The following DNAH9 variants were observed in gnomAD, a reference collection of about 807,000 sequenced individuals.
DNAH9 encodes DNAH9 variant protein.
A neutral mutation model predicts 471.6 loss-of-function variants in DNAH9; 345 were observed. That is an observed-to-expected ratio of 0.73 (90% confidence interval 0.67 to 0.80). The LOEUF is 0.80. Ranked by LOEUF, DNAH9 falls within the 30% of genes least tolerant of loss-of-function variation. The pLI is 0.00. For missense variants in DNAH9, 5,407 were observed against 5,609.2 expected (o/e 0.96, Z 1.15); for synonymous variants, 2,093 against 2,123.6 (o/e 0.99, Z 0.40).
At chr17:11,648,990 A>G (rs1355510274) in intron 12 of DNAH9, among the ~76,000 whole-genome samples, 2 of 152,058 alleles carry the variant, frequency 1.3e-5, no homozygotes, top group African/African-American at 4.8e-5. Flanking sequence ...AGCCAGGCGT[A>G]GTGGCACATG....
At chr17:11,633,436 A>G (rs2073104796) in intron 8 of DNAH9, among the ~76,000 whole-genome samples, 1 of 152,336 alleles carries the variant, frequency 6.6e-6, no homozygotes, top group Non-Finnish European at 1.5e-5. Flanking sequence ...GGCACTGAAA[A>G]TGTTCAGACA....
chr17:11,635,195 C>T (rs559261096), intron 8 of DNAH9, among the ~76,000 whole-genome samples: 24 of 152,032 alleles, frequency 1.6e-4, no homozygotes, highest in African/African-American at 5.8e-4. Flanking sequence ...GAGACAGAGT[C>T]TTGCTCTGTT....
At chr17:11,833,485 G>A (rs766555440) in intron 48 of DNAH9, among the ~76,000 whole-genome samples, 10 of 152,146 alleles carry the variant, frequency 6.6e-5, no homozygotes, top group East Asian at 1.9e-4. Flanking sequence ...TGTGCCCTGC[G>A]GTAGGCGGGC....
chr17:11,698,569 C>A (rs923450527), intron 22 of DNAH9, among the ~76,000 whole-genome samples: 12 of 151,512 alleles, frequency 7.9e-5, no homozygotes, highest in Non-Finnish European at 1.8e-4. Context: ...TCCATGGGTA[C>A]CTTCACAGTT....
chr17:11,882,705 G>C (rs900040060), intron 55 of DNAH9, among the ~76,000 whole-genome samples: 2 of 152,218 alleles, frequency 1.3e-5, no homozygotes, highest in African/African-American at 4.8e-5. Context: ...TTCAGATAGT[G>C]ATAAGAATTT....
At chr17:11,643,332 G>A (rs2073314377) in intron 10 of DNAH9, among the ~76,000 whole-genome samples, 2 of 152,212 alleles carry the variant, frequency 1.3e-5, no homozygotes, top group African/African-American at 4.8e-5. Flanking sequence ...TGTTTCAGGG[G>A]TAAGAGCTGG....
intron 43 of DNAH9, among the ~76,000 whole-genome samples, chr17:11,805,528 T>C (rs74855767): frequency 9.6e-5 from 1 of 10,458 alleles, no homozygotes; most frequent in African/African-American, 3.4e-4. Flanking sequence ...GAGTTCTTTT[T>C]TTTTTTTTTT....
intron 15 of DNAH9, among the ~76,000 whole-genome samples, chr17:11,666,629 G>A (rs895093918): frequency 6.6e-6 from 1 of 152,158 alleles, no homozygotes; most frequent in African/African-American, 2.4e-5. Context: ...GGAAGTAAAG[G>A]AGCCTAAAGG....
At chr17:11,901,119 T>C (rs1215597224) in intron 59 of DNAH9, among the ~76,000 whole-genome samples, 1 of 152,134 alleles carries the variant, frequency 6.6e-6, no homozygotes, top group Admixed American at 6.6e-5. Flanking sequence ...TTGGGTATTA[T>C]GATGCTTAGG....
chr17:11,749,157 C>T (rs1404110528), intron 32 of DNAH9, among the ~76,000 whole-genome samples: 4 of 148,376 alleles, frequency 2.7e-5, no homozygotes, highest in African/African-American at 5.0e-5. Context: ...CAATCTCAGC[C>T]GACTGCAAGC....
chr17:11,647,313 C>T (rs2073413899), intron 12 of DNAH9, 115 bp downstream of exon 12: 1 of 1,117,758 alleles, frequency 8.9e-7, no homozygotes, highest in Admixed American at 2.1e-5. Flanking sequence ...ACTCTTGTCG[C>T]CCAGGCTGGA....
chr17:11,878,883 T>C (rs1467057590), intron 53 of DNAH9, among the ~76,000 whole-genome samples: 1 of 152,188 alleles, frequency 6.6e-6, no homozygotes, highest in African/African-American at 2.4e-5. Context: ...TTAAGTTTTT[T>C]GAGTTTTCTT....
chr17:11,743,060 A>G (rs1453746960), intron 30 of DNAH9, among the ~76,000 whole-genome samples: 1 of 152,036 alleles, frequency 6.6e-6, no homozygotes, highest in Non-Finnish European at 1.5e-5. Context: ...CTGTACATTC[A>G]GTGATCTGTA....
intron 6 of DNAH9, among the ~76,000 whole-genome samples, chr17:11,628,946 A>G (rs2150669633): frequency 6.6e-6 from 1 of 152,286 alleles, no homozygotes; most frequent in Non-Finnish European, 1.5e-5. Context: ...GAGTTTAACC[A>G]AGAGTTATTT....
chr17:11,660,347 G>A (rs112115726), intron 14 of DNAH9, among the ~76,000 whole-genome samples: 1 of 64,522 alleles, frequency 1.5e-5, no homozygotes, highest in African/African-American at 3.9e-5. Flanking sequence ...TTTTGAGACA[G>A]AGTCTTGCTC....
chr17:11,734,962 C>T (rs1010031306), intron 28 of DNAH9, among the ~76,000 whole-genome samples: 3 of 152,162 alleles, frequency 2.0e-5, no homozygotes, highest in Non-Finnish European at 4.4e-5. Flanking sequence ...TTTCAGCGTG[C>T]ATCAGAATCA....
At position 11,617,596 on chromosome 17, in the gene DNAH9, G is replaced by A. The variant is rs781679184; in HGVS notation, c.1090G>A (p.Glu364Lys). 1.2e-6 allele frequency: 2 copies of A among 1,614,110 alleles called. No homozygotes were observed. Among genetic ancestry groups the A allele is most frequent in the Admixed American group, 1.7e-5 (1 of 60,024 alleles). Residue 364 changes from glutamate (E) to lysine (K), a missense_variant, in exon 5 of 69, where the codon GAG becomes AAG. Glu to Lys is a moderately conservative substitution (Grantham distance 56). Coordinates refer to ENST00000262442, the MANE Select transcript of DNAH9 (RefSeq NM_001372.4). Reference protein sequence around the residue: ...SPGRLTVLLQEICNLLIQQAS... With the variant: ...SPGRLTVLLQKICNLLIQQAS... The stretch of plus-strand genomic sequence containing the variant: ...GGGAAGGCTGACTGTGCTGCTCCAG[G>A]AGATTTGCAACCTTCTCATCCAGCA...
chr17:11,662,092 G>T (rs2073775874), intron 14 of DNAH9, among the ~76,000 whole-genome samples: 2 of 152,066 alleles, frequency 1.3e-5, no homozygotes, highest in South Asian at 4.1e-4. Flanking sequence ...GTACACAATT[G>T]TGTTTATAGT....
chr17:11,796,361 G>A (rs1376235883), intron 42 of DNAH9, among the ~76,000 whole-genome samples: 1 of 152,244 alleles, frequency 6.6e-6, no homozygotes, highest in Non-Finnish European at 1.5e-5. Context: ...TTTTGTTATT[G>A]TCTGGCAAAG....
Sources: gnomAD v4.1 joint callset for allele counts (sites outside exome capture counted in the v4.1 genomes callset) on GRCh38, gnomAD v4.1.1 for gene constraint, MANE v1.5 for transcripts, NCBI Gene and HGNC (gene_info 2026-07-23, HGNC 2026-07-21) for gene names.